MTUS2: variants seen among roughly 807,000 people sequenced by gnomAD.
MTUS2 encodes microtubule associated scaffold protein 2, also known as microtubule-associated tumor suppressor candidate 2.
Under a neutral mutation model 114.1 loss-of-function variants are expected in MTUS2, and 40 were observed. The observed-to-expected ratio is 0.35, with a 90% confidence interval of 0.27 to 0.46. The LOEUF is 0.46. Ranked by LOEUF, MTUS2 falls within the 20% of genes least tolerant of loss-of-function variation. The pLI is 1.00. For missense variants in MTUS2, 1,679 were observed against 1,705.4 expected, an observed-to-expected ratio of 0.98 and a Z score of 0.27; for synonymous variants, 688 against 672.0, an observed-to-expected ratio of 1.02 and a Z score of -0.37.
rs558468967 is a variant in MTUS2, at chr13:29,401,119, C to T, written c.3118-38864C>T. 4.6e-5 allele frequency among the ~76,000 whole-genome samples: 7 copies of T among 152,232 alleles called. No homozygotes were observed. In the South Asian group the frequency reaches 1.5e-3, roughly 32 times the overall value. On this transcript the variant is annotated intron_variant, in intron 8 of 15. Coordinates refer to ENST00000612955, the MANE Select transcript of MTUS2 (RefSeq NM_001033602.4). ...TCTCCTGCCTCATCCTCCTGAATAC[C>T]TGGGACTACGGGCACACACCGCCGT...
chr13:29,140,193 TGAG>T (rs1892160122), intron 5 of MTUS2, among the ~76,000 whole-genome samples: 5 of 152,192 alleles, frequency 3.3e-5, no homozygotes, highest in African/African-American at 9.7e-5. Flanking sequence ...GTTTCTTAAA[TGAG>T]GAGAATATCT....
chr13:29,172,283 C>G (rs1893597150), intron 5 of MTUS2, among the ~76,000 whole-genome samples: 1 of 152,160 alleles, frequency 6.6e-6, no homozygotes, highest in African/African-American at 2.4e-5. Flanking sequence ...AAGATAACTT[C>G]CCCCTCAAAC....
At chr13:29,078,936 A>G (rs1248955331) in intron 4 of MTUS2, among the ~76,000 whole-genome samples, 1 of 152,208 alleles carries the variant, frequency 6.6e-6, no homozygotes, top group Non-Finnish European at 1.5e-5. Context: ...GAATATACCT[A>G]GAAGGAGGAT....
chr13:29,366,474 G>A (rs7327857), intron 8 of MTUS2, among the ~76,000 whole-genome samples: 113,677 of 151,904 alleles, frequency 0.75, 42,706 homozygotes, highest in East Asian at 0.83. Context: ...CATATCAAGC[G>A]TTATCATTTA....
At chr13:28,828,784 A>G (rs1053139497) in intron 1 of MTUS2, among the ~76,000 whole-genome samples, 5 of 152,190 alleles carry the variant, frequency 3.3e-5, no homozygotes, top group African/African-American at 9.6e-5. Context: ...CAAAAAATCC[A>G]TAATGAACAA....
chr13:28,983,610 G>A (rs1388752623), intron 2 of MTUS2, among the ~76,000 whole-genome samples: 2 of 152,098 alleles, frequency 1.3e-5, no homozygotes, highest in Non-Finnish European at 1.5e-5. Context: ...TTCATGGATG[G>A]CTTTCATTGT....
rs1372218907 is a variant in MTUS2, at chr13:29,026,540, A to G, written c.1842A>G (p.Gly614=). The G allele has an allele frequency of 1.9e-6, 3 of 1,613,804 alleles. No homozygotes were observed. The highest frequency in any genetic ancestry group is 2.7e-5 in the African/African-American group (2 of 74,906). The change falls in exon 3 of 16, where the codon GGA becomes GGG. Residue 614 remains glycine, a synonymous_variant. Coordinates refer to ENST00000612955, the MANE Select transcript of MTUS2 (RefSeq NM_001033602.4). ...AGGACACACCTTCCTCGCAGGAGGG[A>G]ATGGAGAACTATCAGGTTGAAAAAA... ...HSKDTPSSQE[G]MENYQVEKTE...
At chr13:29,452,643 T>C (rs4769742) in intron 9 of MTUS2, among the ~76,000 whole-genome samples, 133,760 of 150,416 alleles carry the variant, frequency 0.89, 60,090 homozygotes, top group East Asian at 1. Flanking sequence ...AGGGTCTCAC[T>C]GTGTTGCCCA....
chr13:29,488,372 G>T (rs1035048961), intron 11 of MTUS2, among the ~76,000 whole-genome samples: 1 of 150,878 alleles, frequency 6.6e-6, no homozygotes, highest in Non-Finnish European at 1.5e-5. Flanking sequence ...GGATTCTAAT[G>T]TGTAGCCACA....
chr13:28,907,405 T>C (rs1880101840), intron 2 of MTUS2, among the ~76,000 whole-genome samples: 1 of 151,470 alleles, frequency 6.6e-6, no homozygotes. Flanking sequence ...CATAACAATA[T>C]TAACTTTAAA....
chr13:29,298,115 T>C (rs1005222707), intron 6 of MTUS2, among the ~76,000 whole-genome samples: 3 of 152,188 alleles, frequency 2.0e-5, no homozygotes, highest in African/African-American at 4.8e-5. Context: ...TTGTAGCAAA[T>C]AGGAAAATAC....
At chr13:29,283,263 A>C (rs3858736) in intron 6 of MTUS2, among the ~76,000 whole-genome samples, 7,424 of 152,278 alleles carry the variant, frequency 0.049, 217 homozygotes, top group East Asian at 0.091. Flanking sequence ...CCCTTTGTTA[A>C]GACTTAAATT....
chr13:29,361,073 A>T (rs999060525), intron 8 of MTUS2, among the ~76,000 whole-genome samples: 3 of 152,112 alleles, frequency 2.0e-5, no homozygotes, highest in African/African-American at 7.2e-5. Context: ...GTAACTGCCA[A>T]AATTAGGGGT....
At chr13:29,105,088 G>A (rs1378669299) in intron 5 of MTUS2, among the ~76,000 whole-genome samples, 2 of 152,156 alleles carry the variant, frequency 1.3e-5, no homozygotes, top group Non-Finnish European at 1.5e-5. Context: ...ATAGTCACTG[G>A]AGCATTTTGG....
At chr13:29,383,775 T>G (rs1284553697) in intron 8 of MTUS2, among the ~76,000 whole-genome samples, 2 of 152,166 alleles carry the variant, frequency 1.3e-5, no homozygotes, top group Non-Finnish European at 2.9e-5. Context: ...CATTCAAATC[T>G]GCTGGAAAAG....
intron 4 of MTUS2, among the ~76,000 whole-genome samples, chr13:29,055,754 T>C (rs1888105423): frequency 6.6e-6 from 1 of 152,182 alleles, no homozygotes; most frequent in Non-Finnish European, 1.5e-5. Flanking sequence ...CCATTCTAAC[T>C]GGTGTGAGAT....
In MTUS2 at chr13:29,221,778, A is replaced by G. The variant is rs117072262; in HGVS notation, c.2645-59926A>G. 4.8e-3 allele frequency among the ~76,000 whole-genome samples: 733 copies of G among 151,818 alleles called. 1 individual carries two copies. Among genetic ancestry groups the G allele is most frequent in the Non-Finnish European group, 8.3e-3 (564 of 67,914 alleles). On this transcript the variant is annotated intron_variant, in intron 5 of 15. Transcript: ENST00000612955. Reference sequence around the variant, plus strand: ...CTCCAGTTTACCATTCATTTCCATTATTGTTTGTGCTGTTTTTGTTTCTTT... The same window carrying G: ...CTCCAGTTTACCATTCATTTCCATTGTTGTTTGTGCTGTTTTTGTTTCTTT...
At position 29,026,053 on chromosome 13, in the gene MTUS2, T is replaced by C; in HGVS notation, c.1355T>C (p.Val452Ala). 1 of 1,613,872 alleles carries C rather than the reference T, an allele frequency of 6.2e-7. No individual in the cohort carries two copies. The highest frequency in any genetic ancestry group is 8.5e-7 in the Non-Finnish European group (1 of 1,179,872). ...NNLTDSKPLD[V>A]IEEERRLGSG... ...CTGACTGACAGCAAGCCCTTGGATG[T>C]CATTGAGGAGGAAAGGCGGTTGGGC... The change falls in exon 3 of 16, where the codon GTC becomes GCC. Residue 452 changes from valine (V) to alanine (A), a missense_variant. By Grantham distance (64) the Val-to-Ala change is moderately conservative. This residue lies in a region of MTUS2 where 843 missense variants were observed against 770.8 expected (regional missense o/e 1.09). Coordinates refer to ENST00000612955, the MANE Select transcript of MTUS2 (RefSeq NM_001033602.4).
intron 8 of MTUS2, among the ~76,000 whole-genome samples, chr13:29,420,294 T>C (rs1202002385): frequency 6.6e-6 from 1 of 151,452 alleles, no homozygotes; most frequent in African/African-American, 2.4e-5. Flanking sequence ...TTTTTTTTTT[T>C]TGAGACAGAG....
Sources: gnomAD v4.1 joint callset for allele counts (sites outside exome capture counted in the v4.1 genomes callset) on GRCh38, gnomAD v4.1.1 for gene constraint, gnomAD v4.1.1 regional missense constraint, MANE v1.5 for transcripts, NCBI Gene and HGNC (gene_info 2026-07-23, HGNC 2026-07-21) for gene names.